Variants in EYS observed in about 807,000 individuals in gnomAD.
The protein encoded by EYS is EGF-like photoreceptor maintenance factor, also known as protein eyes shut homolog.
EYS carries 250 observed loss-of-function variants against 282.1 expected under a neutral mutation model. The observed-to-expected ratio is 0.89, with a 90% confidence interval of 0.80 to 0.98. The LOEUF is 0.98. Ranked by LOEUF, EYS falls within the 50% of genes least tolerant of loss-of-function variation. The pLI, the probability that EYS is intolerant of heterozygous loss-of-function variation, is 0.00. For missense variants in EYS, 4,016 were observed against 3,709.0 expected (o/e 1.08, Z -2.15); for synonymous variants, 1,355 against 1,282.9 (o/e 1.06, Z -1.20).
At chr6:64,363,590 C>A (rs1446993417) in intron 29 of EYS, among the ~76,000 whole-genome samples, 1 of 151,674 alleles carries the variant, frequency 6.6e-6, no homozygotes, top group African/African-American at 2.4e-5. Context: ...AGTTAAGTTA[C>A]TTGTTTTTTT....
intron 19 of EYS, among the ~76,000 whole-genome samples, chr6:64,878,026 A>C (rs927234831): frequency 2.0e-5 from 3 of 152,132 alleles, no homozygotes; most frequent in South Asian, 2.1e-4. Context: ...TGAGGTCAGG[A>C]GTTCAAGAAC....
At chr6:64,542,027 G>T (rs2149799592) in intron 26 of EYS, among the ~76,000 whole-genome samples, 1 of 152,076 alleles carries the variant, frequency 6.6e-6, no homozygotes, top group African/African-American at 2.4e-5. Flanking sequence ...TTTTTTATCT[G>T]TATGATATAT....
chr6:64,804,483 A>C (rs997832892), intron 22 of EYS, among the ~76,000 whole-genome samples: 3 of 152,170 alleles, frequency 2.0e-5, no homozygotes, highest in African/African-American at 7.2e-5. Flanking sequence ...AATTATGCCA[A>C]ACAAACTATC....
intron 33 of EYS, among the ~76,000 whole-genome samples, chr6:64,061,935 GGAGCGTGGGCAACA>G (rs1454809572): frequency 1.3e-5 from 2 of 151,570 alleles, no homozygotes; most frequent in African/African-American, 4.8e-5. Flanking sequence ...GGTTGCAGTG[GGAGCGTGGGCAACA>G]GAGCGAGACT....
chr6:64,423,734 G>A (rs962684920), intron 28 of EYS, among the ~76,000 whole-genome samples: 5 of 152,098 alleles, frequency 3.3e-5, no homozygotes, highest in African/African-American at 1.2e-4. Flanking sequence ...CTTGAACTCG[G>A]AAGGCAGAGG....
chr6:64,584,580 A>G (rs1042959703), intron 26 of EYS, among the ~76,000 whole-genome samples: 14 of 152,036 alleles, frequency 9.2e-5, no homozygotes, highest in African/African-American at 3.4e-4. Context: ...TTGGAAAAAA[A>G]AAGACTAACA....
intron 5 of EYS, among the ~76,000 whole-genome samples, chr6:65,423,371 AAATGT>A (rs1767539002): frequency 6.6e-6 from 1 of 151,936 alleles, no homozygotes; most frequent in Non-Finnish European, 1.5e-5. Context: ...TAATTTGTTA[AAATGT>A]AATGTGTGTG....
intron 22 of EYS, among the ~76,000 whole-genome samples, chr6:64,796,210 T>A (rs1212917410): frequency 6.6e-6 from 1 of 152,200 alleles, no homozygotes; most frequent in Non-Finnish European, 1.5e-5. Context: ...AGATTATGCT[T>A]TTTACATGGA....
intron 12 of EYS, among the ~76,000 whole-genome samples, chr6:65,261,365 G>A (rs1390383596): frequency 6.6e-6 from 1 of 151,760 alleles, no homozygotes; most frequent in Non-Finnish European, 1.5e-5. Flanking sequence ...TATACAAAGT[G>A]AGCAGAAAAT....
chr6:64,202,368 C>G (rs1224149643), intron 31 of EYS, among the ~76,000 whole-genome samples: 1 of 152,118 alleles, frequency 6.6e-6, no homozygotes, highest in Non-Finnish European at 1.5e-5. Flanking sequence ...AGACTCTACC[C>G]ATCACCACTC....
In EYS at chr6:64,665,141, C is replaced by T. The variant is rs180777018; in HGVS notation, c.3444-38896G>A. On this transcript the variant is annotated intron_variant, in intron 22 of 42. Transcript: ENST00000503581. ...TTTCATAAATGAAACGCTTGTTTTC[C>T]GAAACTTTGTCCACTGTAATAATGT... Among the ~76,000 whole-genome samples, 408 of 152,078 alleles carry T rather than the reference C, an allele frequency of 2.7e-3. 1 individual carries two copies. The highest frequency in any genetic ancestry group is 9.3e-3 in the African/African-American group (388 of 41,506).
At chr6:64,120,231 C>T (rs536603006) in intron 31 of EYS, among the ~76,000 whole-genome samples, 6 of 151,332 alleles carry the variant, frequency 4.0e-5, no homozygotes, top group African/African-American at 1.5e-4. Context: ...TGGCGGGCCC[C>T]TGTAGTCCCA....
At chr6:63,935,470 G>A (rs1196207905) in intron 35 of EYS, among the ~76,000 whole-genome samples, 1 of 152,210 alleles carries the variant, frequency 6.6e-6, no homozygotes, top group East Asian at 1.9e-4. Context: ...AGGTGATTAA[G>A]TTAAAAAGAA....
chr6:65,611,417 A>C (rs1765995682), intron 2 of EYS, among the ~76,000 whole-genome samples: 1 of 152,036 alleles, frequency 6.6e-6, no homozygotes, highest in East Asian at 1.9e-4. Flanking sequence ...TAATATGGGT[A>C]TATAAGAAAG....
chr6:64,605,200 A>T (rs2149840407), intron 24 of EYS, among the ~76,000 whole-genome samples: 1 of 151,886 alleles, frequency 6.6e-6, no homozygotes, highest in South Asian at 2.1e-4. Flanking sequence ...TTTCACAATG[A>T]TTAAGTTTAA....
At chr6:63,866,839 T>C (rs1433234748) in intron 35 of EYS, among the ~76,000 whole-genome samples, 2 of 152,202 alleles carry the variant, frequency 1.3e-5, no homozygotes, top group East Asian at 1.9e-4. Flanking sequence ...CTTTACTCAA[T>C]TGAGATGTTG....
At chr6:64,810,978 A>G (rs1182778166) in intron 22 of EYS, among the ~76,000 whole-genome samples, 1 of 152,106 alleles carries the variant, frequency 6.6e-6, no homozygotes, top group East Asian at 1.9e-4. Flanking sequence ...TAGAACTCAG[A>G]ACAATAAGTT....
intron 8 of EYS, among the ~76,000 whole-genome samples, chr6:65,355,819 C>A (rs1435698830): frequency 1.3e-5 from 2 of 151,898 alleles, no homozygotes; most frequent in African/African-American, 4.8e-5. Flanking sequence ...ATTAAAAAGT[C>A]AAAAAACAAT....
chr6:65,682,111 A>G (rs1264257330), intron 1 of EYS, among the ~76,000 whole-genome samples: 3 of 152,014 alleles, frequency 2.0e-5, no homozygotes, highest in Non-Finnish European at 2.9e-5. Context: ...CCACAATTGC[A>G]ATATTGTTGA....
Sources: gnomAD v4.1 joint callset for allele counts (sites outside exome capture counted in the v4.1 genomes callset) on GRCh38, gnomAD v4.1.1 for gene constraint, MANE v1.5 for transcripts, NCBI Gene and HGNC (gene_info 2026-07-23, HGNC 2026-07-21) for gene names.